The following CUX2 variants were observed in gnomAD, a reference collection of about 807,000 sequenced individuals.
The protein encoded by CUX2 is cut like homeobox 2.
Under a neutral mutation model 144.8 loss-of-function variants are expected in CUX2, and 40 were observed. That is an observed-to-expected ratio of 0.28 (90% CI 0.21 to 0.36). CUX2 has a LOEUF of 0.36. Ranked by LOEUF, CUX2 falls within the 10% of genes least tolerant of loss-of-function variation. The probability of loss-of-function intolerance (pLI) is 1.00; values close to 1 mark genes in which losing one functional copy is unlikely to be tolerated. For missense variants in CUX2, 1,615 were observed against 1,994.0 expected (o/e 0.81, Z 3.62); for synonymous variants, 827 against 875.6 (o/e 0.94, Z 0.98).
intron 4 of CUX2, among the ~76,000 whole-genome samples, chr12:111,272,526 G>A (rs1487364444): frequency 2.0e-5 from 3 of 152,146 alleles, no homozygotes; most frequent in Non-Finnish European, 4.4e-5. Context: ...GTGCAGTGGT[G>A]CAATCTCAGC....
At chr12:111,131,156 C>T (rs943725446) in intron 1 of CUX2, among the ~76,000 whole-genome samples, 2 of 152,160 alleles carry the variant, frequency 1.3e-5, no homozygotes, top group African/African-American at 4.8e-5. Context: ...GCGGTGGCCT[C>T]AGAATCATGG....
At chr12:111,163,857 C>T (rs1437138937) in intron 1 of CUX2, among the ~76,000 whole-genome samples, 8 of 152,100 alleles carry the variant, frequency 5.3e-5, no homozygotes, top group Non-Finnish European at 1.2e-4. Flanking sequence ...TACCCAGGGG[C>T]GTTCCTTAGT....
chr12:111,310,406 G>A lies in CUX2; in HGVS notation c.1624G>A (p.Gly542Arg), dbSNP rs546220728. 46 of 1,609,654 alleles carry A rather than the reference G, an allele frequency of 2.9e-5. 1 individual carries two copies. The highest frequency in any genetic ancestry group is 8.9e-5 in the East Asian group (4 of 44,810). Residue 542 changes from glycine to arginine, a missense_variant, in exon 15 of 22, where the codon GGA becomes AGA. Physicochemically the swap from Gly to Arg is moderately radical, Grantham distance 125 (BLOSUM62 -2). Around this residue, in one of 12 missense-constraint regions of CUX2, gnomAD observed 154 missense variants for 148.4 expected, o/e 1.04. Transcript: ENST00000261726. The surrounding 1 kb of genome is among the most constrained non-coding windows in gnomAD (Gnocchi z 7.9). The part of the protein sequence containing the change: ...GPEPADGGGG[G>R]AAGPGAEEEQ... ...TGAGCCCGCGGATGGTGGTGGGGGC[G>A]GAGCGGCGGGGCCCGGGGCAGAGGA...
chr12:111,173,328 T>C (rs1195723936), intron 1 of CUX2, among the ~76,000 whole-genome samples: 2 of 152,210 alleles, frequency 1.3e-5, no homozygotes, highest in African/African-American at 2.4e-5. Flanking sequence ...ACAGGGTTGA[T>C]CTGTGGGCTG....
chr12:111,194,332 A>T (rs1880102683), intron 1 of CUX2, among the ~76,000 whole-genome samples: 1 of 152,194 alleles, frequency 6.6e-6, no homozygotes, highest in Non-Finnish European at 1.5e-5. Flanking sequence ...TATTCTCTCC[A>T]TCCTGCATAA....
At chr12:111,148,554 G>T (rs1055116373) in intron 1 of CUX2, among the ~76,000 whole-genome samples, 8 of 152,156 alleles carry the variant, frequency 5.3e-5, no homozygotes, top group African/African-American at 1.9e-4. Flanking sequence ...ACGATAAAAA[G>T]TACTTCTTTC....
intron 1 of CUX2, among the ~76,000 whole-genome samples, chr12:111,205,258 C>A (rs1386010496): frequency 6.6e-6 from 1 of 152,094 alleles, no homozygotes; most frequent in Non-Finnish European, 1.5e-5. Context: ...AGGCGACACT[C>A]CCAACCTGCC....
intron 3 of CUX2, among the ~76,000 whole-genome samples, chr12:111,223,371 C>T (rs1881953983): frequency 6.6e-6 from 1 of 152,180 alleles, no homozygotes. Context: ...TGACACCCTG[C>T]CCCGATGACA....
intron 1 of CUX2, among the ~76,000 whole-genome samples, chr12:111,046,933 A>C (rs1870024272): frequency 6.6e-6 from 1 of 152,218 alleles, no homozygotes; most frequent in Non-Finnish European, 1.5e-5. Context: ...CTGGGATTGC[A>C]GGCGTGAGCC....
chr12:111,133,282 A>G (rs184080856), intron 1 of CUX2, among the ~76,000 whole-genome samples: 10 of 152,034 alleles, frequency 6.6e-5, no homozygotes, highest in African/African-American at 2.2e-4. Context: ...ACCCCACTCT[A>G]CTGGTACCAA....
In CUX2 at chr12:111,132,868, T is replaced by C. The variant is rs1045255385; in HGVS notation, c.64-81332T>C. Among the ~76,000 whole-genome samples, 6 of 152,158 alleles carry C rather than the reference T, an allele frequency of 3.9e-5. No homozygotes were observed. The South Asian group carries it at 1.2e-3, about 31-fold the overall frequency. The stretch of plus-strand genomic sequence containing the variant: ...CAGGCATGAGCCACTATGCCTGGCC[T>C]GTTTCCCTTTTAAGATGGAATGCTT... On this transcript the variant is annotated intron_variant, in intron 1 of 21. Coordinates refer to ENST00000261726, the MANE Select transcript of CUX2 (RefSeq NM_015267.4).
Position 111,034,470 on chromosome 12 carries a change from A to T in CUX2, c.63+230A>T, listed in dbSNP as rs1280757151. ...CGATTAGCTGCCGCGACCATGGAGA[A>T]GCGCTAGTGAGCCCTCGGTCGGCGG... On this transcript the variant is annotated intron_variant, in intron 1 of 21. Transcript: ENST00000261726. This position sits in a 1 kb window ranked among gnomAD's most constrained non-coding sequence, Gnocchi z 4.2. 1.3e-5 allele frequency among the ~76,000 whole-genome samples: 2 copies of T among 151,538 alleles called. No homozygotes were observed. The highest frequency in any genetic ancestry group is 6.6e-5 in the Admixed American group (1 of 15,240).
At chr12:111,278,227 G>T (rs923261763) in intron 4 of CUX2, among the ~76,000 whole-genome samples, 1 of 152,126 alleles carries the variant, frequency 6.6e-6, no homozygotes, top group African/African-American at 2.4e-5. Context: ...GACCAGCCTG[G>T]GCAACATAGT....
intron 21 of CUX2, among the ~76,000 whole-genome samples, chr12:111,344,001 C>T (rs569882192): frequency 3.3e-5 from 5 of 151,868 alleles, no homozygotes; most frequent in African/African-American, 2.4e-5. Flanking sequence ...TGCTTTGAGC[C>T]GAGATCACAC....
chr12:111,114,257 AT>A lies in CUX2; in HGVS notation c.63+80026del, dbSNP rs542255987. ...AAGCTCACCAGCATTTGATATTATC[AT>A]TTTTTTTTCTTTTTCAATTTTATGC... is the stretch of plus-strand genomic sequence containing the variant. On this transcript the variant is annotated intron_variant, in intron 1 of 21. Transcript: ENST00000261726. Among the ~76,000 whole-genome samples, 178 of 150,942 alleles carry A rather than the reference AT, an allele frequency of 1.2e-3. 1 individual carries two copies. The highest frequency in any genetic ancestry group is 3.5e-3 in the African/African-American group (145 of 41,052).
At chr12:111,105,485 C>CTGTGTGTG (rs139804461) in intron 1 of CUX2, among the ~76,000 whole-genome samples, 1,720 of 149,674 alleles carry the variant, frequency 0.011, 26 homozygotes, top group African/African-American at 0.04. Flanking sequence ...CTGGAAAGCT[C>CTGTGTGTG]TGTGTGTGTG....
At chr12:111,242,350 A>C (rs1883061140) in intron 3 of CUX2, among the ~76,000 whole-genome samples, 2 of 152,228 alleles carry the variant, frequency 1.3e-5, no homozygotes, top group African/African-American at 4.8e-5. Flanking sequence ...GGGCCAAATA[A>C]AGTTTTATTG....
Position 111,061,960 on chromosome 12 carries a change from G to A in CUX2, c.63+27720G>A, listed in dbSNP as rs938338329. Among the ~76,000 whole-genome samples the A allele has an allele frequency of 2.0e-5, 3 of 152,172 alleles. No homozygotes were observed. The highest frequency in any genetic ancestry group is 4.8e-5 in the African/African-American group (2 of 41,444). On this transcript the variant is annotated intron_variant, in intron 1 of 21. Coordinates refer to ENST00000261726, the MANE Select transcript of CUX2 (RefSeq NM_015267.4). The surrounding 1 kb of genome is among the most constrained non-coding windows in gnomAD (Gnocchi z 4.2). The stretch of plus-strand genomic sequence containing the variant: ...ACTCCATCTGTGCCTCAGCTTCCTC[G>A]CCTGTGAAATAGGTCGCCTCGCAGC...
At chr12:111,121,645 A>T (rs1874702262) in intron 1 of CUX2, among the ~76,000 whole-genome samples, 1 of 151,758 alleles carries the variant, frequency 6.6e-6, no homozygotes, top group South Asian at 2.1e-4. Flanking sequence ...TACAGGTGTG[A>T]GCCACTATGC....
Sources: gnomAD v4.1 joint callset for allele counts (sites outside exome capture counted in the v4.1 genomes callset) on GRCh38, gnomAD v4.1.1 for gene constraint, gnomAD v4.1.1 regional missense constraint, Gnocchi (gnomAD v3.1) non-coding constraint, MANE v1.5 for transcripts, NCBI Gene and HGNC (gene_info 2026-07-23, HGNC 2026-07-21) for gene names.